Variants in GTF3C2 observed in about 807,000 individuals in gnomAD.
GTF3C2 encodes general transcription factor IIIC subunit 2, also known as general transcription factor 3C polypeptide 2.
A neutral mutation model predicts 117.4 loss-of-function variants in GTF3C2; 17 were observed. The observed-to-expected ratio is 0.14, with a 90% CI of 0.10 to 0.22. GTF3C2 has a LOEUF of 0.22. GTF3C2 is among the 10% of genes least tolerant of loss of function. The pLI is 1.00. For missense variants in GTF3C2, 888 were observed against 1,143.6 expected (o/e 0.78, Z 3.22); for synonymous variants, 437 against 427.0 (o/e 1.02, Z -0.29).
At chr2:27,349,340 G>C (rs1681041526) in intron 1 of GTF3C2, among the ~76,000 whole-genome samples, 1 of 149,550 alleles carries the variant, frequency 6.7e-6, no homozygotes, top group Non-Finnish European at 1.5e-5. Flanking sequence ...GTAGAGACGG[G>C]GTTTCACCGT....
chr2:27,337,610 A>C, intron 5 of GTF3C2, 52 bp from the exon 6 acceptor site: 1 of 1,215,912 alleles, frequency 8.2e-7, no homozygotes, highest in Non-Finnish European at 1.2e-6. Context: ...ACAGCCGCAC[A>C]GTCCAATAAA....
intron 4 of GTF3C2, among the ~76,000 whole-genome samples, chr2:27,339,403 C>T: frequency 7.2e-6 from 1 of 139,636 alleles, no homozygotes; most frequent in Admixed American, 7.1e-5. Flanking sequence ...GAGCGAAACT[C>T]CGTCTCAAAA....
chr2:27,333,517 A>G, intron 12 of GTF3C2, 138 bp downstream of exon 12: 2 of 512,158 alleles, frequency 3.9e-6, no homozygotes, highest in South Asian at 5.4e-5. Context: ...ATTTCTTTCT[A>G]TTTTTTTTTT....
chr2:27,339,951 C>T (rs977021299), intron 4 of GTF3C2: 5 of 141,416 alleles, frequency 3.5e-5, no homozygotes, highest in Non-Finnish European at 6.0e-5. Flanking sequence ...CACTCCACTG[C>T]ACTCCAGCCT....
At chr2:27,336,314 T>C (rs1363114511) in exon 8 of GTF3C2, 3 of 1,613,304 alleles carry the variant, frequency 1.9e-6, no homozygotes, top group African/African-American at 1.3e-5. Context: ...GAGCCACATA[T>C]TGCGAGGCTC....
intron 12 of GTF3C2, among the ~76,000 whole-genome samples, chr2:27,333,220 G>GTGTGATCT (rs1335593258): frequency 3.3e-5 from 5 of 149,378 alleles, no homozygotes; most frequent in Admixed American, 3.3e-4. Flanking sequence ...GAGTGCAGGG[G>GTGTGATCT]TGTGATCTTG....
At position 27,331,071 on chromosome 2, in the gene GTF3C2, T is replaced by C. The variant is rs998824363; in HGVS notation, c.1733-1548A>G. Among the ~76,000 whole-genome samples the C allele has an allele frequency of 2.6e-5, 4 of 152,312 alleles. No individual in the cohort carries two copies. The East Asian group carries it at 7.7e-4, about 29-fold the overall frequency. On this transcript the variant is annotated intron_variant, in intron 12 of 18. Coordinates refer to ENST00000264720, the Ensembl canonical transcript of GTF3C2. ...CCTATGAACCTTTCTTGAAAAAGTT[T>C]GTTGACGATGAATTATAGCCATGCA... is the stretch of plus-strand genomic sequence containing the variant.
Position 27,329,019 on chromosome 2 carries a change from T to C in GTF3C2, c.2040-88A>G. The C allele has an allele frequency of 6.8e-7, 1 of 1,473,958 alleles. No homozygotes were observed. Among genetic ancestry groups the C allele is most frequent in the South Asian group, 1.1e-5 (1 of 87,974 alleles). 91.3% of individuals were successfully genotyped at this position (1,473,958 alleles called of 1,614,324 possible). On this transcript the variant is annotated intron_variant, in intron 14 of 18. Coordinates refer to ENST00000264720, the Ensembl canonical transcript of GTF3C2. This position sits in a 1 kb window ranked among gnomAD's most constrained non-coding sequence, Gnocchi z 4.5. ...TCTTCCAGAATTTAAACCACCTCAGTGAACCAACTCTCTACCCTCCTCTCC... is the reference window on the plus strand; with the variant it reads ...TCTTCCAGAATTTAAACCACCTCAGCGAACCAACTCTCTACCCTCCTCTCC...
At chr2:27,328,302 T>C in intron 16 of GTF3C2, 113 bp from the exon 17 acceptor site, 2 of 1,014,880 alleles carry the variant, frequency 2.0e-6, no homozygotes, top group Non-Finnish European at 1.5e-6. Flanking sequence ...TATCTTTAAA[T>C]ATATGCTCAG....
At chr2:27,356,121 G>T in intron 1 of GTF3C2, 2 of 1,288,410 alleles carry the variant, frequency 1.6e-6, no homozygotes, top group Non-Finnish European at 2.0e-6. Context: ...AGTTGCCTCC[G>T]ACGGAGTTGA....
exon 17 of GTF3C2, chr2:27,328,120 A>G: frequency 6.2e-7 from 1 of 1,609,460 alleles, no homozygotes; most frequent in South Asian, 1.1e-5. Context: ...GGGACCCCAG[A>G]TGAAGCAGAA....
rs778140174 is a variant in GTF3C2 at position 27,335,974 on chromosome 2, G to A, written c.1410C>T (p.Ile470=). The A allele has an allele frequency of 3.7e-6, 6 of 1,613,994 alleles. No individual in the cohort carries two copies. In the Admixed American group the frequency reaches 5.0e-5, roughly 13 times the overall value. ...CACTGGGGCAGAACTTGAGGTCCCA[G>A]ATGCAGCCGTTGTCACAAGCAATCC... Residue 470 remains isoleucine (I), a synonymous_variant, in exon 9 of 19, where the codon ATC becomes ATT. Transcript: ENST00000264720.
chr2:27,344,758 A>C (rs1252869446), intron 1 of GTF3C2, among the ~76,000 whole-genome samples: 1 of 152,016 alleles, frequency 6.6e-6, no homozygotes, highest in African/African-American at 2.4e-5. Flanking sequence ...CCAAGGAAGA[A>C]GGACTGCTTG....
At chr2:27,337,710 G>T (rs773226104) in intron 5 of GTF3C2, 152 bp from the exon 6 acceptor site, 14 of 699,124 alleles carry the variant, frequency 2.0e-5, no homozygotes, top group African/African-American at 7.1e-5. Context: ...CCTAAAATGT[G>T]GCTAGCGCAG....
At chr2:27,356,685 G>A (rs879012247) in intron 1 of GTF3C2, 54 bp downstream of exon 1, 2 of 153,114 alleles carry the variant, frequency 1.3e-5, no homozygotes, top group Admixed American at 1.3e-4. Context: ...GGCAAAAGAA[G>A]GGGGAGGAGT....
intron 1 of GTF3C2, among the ~76,000 whole-genome samples, chr2:27,352,585 C>A (rs1006528919): frequency 6.6e-6 from 1 of 152,192 alleles, no homozygotes; most frequent in African/African-American, 2.4e-5. Context: ...CTCATCTTCA[C>A]ACATAACTAT....
exon 19 of GTF3C2, chr2:27,326,141 C>A: frequency 2.2e-6 from 1 of 460,022 alleles, no homozygotes; most frequent in Non-Finnish European, 4.5e-6. Flanking sequence ...CTGTGGTATT[C>A]CTTGGTCAAA....
intron 1 of GTF3C2, among the ~76,000 whole-genome samples, chr2:27,354,751 A>G (rs1015455348): frequency 1.3e-5 from 2 of 152,168 alleles, no homozygotes; most frequent in Non-Finnish European, 2.9e-5. Context: ...ACAGAGGAAG[A>G]TTCCGGTTTT....
At chr2:27,333,734 G>C (rs372929888) in exon 12 of GTF3C2, 3 of 1,608,542 alleles carry the variant, frequency 1.9e-6, no homozygotes, top group Non-Finnish European at 1.7e-6. Context: ...CACACTCAGA[G>C]GGGTCTGTAG....
Sources: allele counts gnomAD v4.1 joint callset (sites outside exome capture counted in the v4.1 genomes callset), GRCh38; gene constraint gnomAD v4.1.1; non-coding constraint Gnocchi (gnomAD v3.1); transcripts MANE v1.5; gene names NCBI Gene and HGNC (gene_info 2026-07-23, HGNC 2026-07-21).